The following PLEKHA6 variants were observed in gnomAD, a reference collection of about 807,000 sequenced individuals.
PLEKHA6 encodes pleckstrin homology domain containing A6.
In PLEKHA6, 60 loss-of-function variants were observed where a neutral mutation model predicts 116.7. The observed-to-expected ratio is 0.51, with a 90% CI of 0.42 to 0.64. The LOEUF (loss-of-function observed/expected upper bound fraction) is 0.64, where lower values mean the gene tolerates loss of function less well. Ranked by LOEUF, PLEKHA6 falls within the 30% of genes least tolerant of loss-of-function variation. The pLI, the probability that PLEKHA6 is intolerant of heterozygous loss-of-function variation, is 0.00. For missense variants in PLEKHA6, 1,338 were observed against 1,422.7 expected (o/e 0.94, Z 0.96); for synonymous variants, 489 against 556.1 (o/e 0.88, Z 1.70).
rs770306522 is a variant in PLEKHA6 at position 204,245,679 on chromosome 1, C to A, written c.1968G>T (p.Gln656His). 1.2e-5 allele frequency: 20 copies of A among 1,613,752 alleles called. No homozygotes were observed. In the South Asian group the frequency reaches 1.5e-4, roughly 12 times the overall value. Residue 656 changes from glutamine to histidine, a missense_variant, in exon 14 of 23, where the codon CAG (glutamine) becomes CAT (histidine). Around this residue, in one of 3 missense-constraint regions of PLEKHA6, gnomAD observed 1,136 missense variants for 1,163.6 expected, o/e 0.98. Coordinates refer to ENST00000272203, the MANE Select transcript of PLEKHA6 (RefSeq NM_014935.5). ...TCTTCCTCAGCCCCTCCATCACGTC[C>A]TGGATCCTCCAGATCTCCTTTTGGA... Reference protein sequence around the residue: ...RQIQKEIWRIQDVMEGLRKNN... With the variant: ...RQIQKEIWRIHDVMEGLRKNN...
Position 204,257,360 on chromosome 1 carries a change from G to T in PLEKHA6, c.1517C>A (p.Ser506Tyr). The T allele has an allele frequency of 1.3e-6, 2 of 1,561,318 alleles. No individual in the cohort carries two copies. The highest frequency in any genetic ancestry group is 1.2e-5 in the South Asian group (1 of 84,652). ...AAYVMRRSIS[S>Y]PKVPPYPEVF... ...GGCAGGCTGGTGGCTCACCTTGGGG[G>T]AGCTGATGGATCGCCTCATCACATA... The change falls in exon 9 of 23, where the codon TCC (serine) becomes TAC (tyrosine). Residue 506 changes from serine to tyrosine, a missense_variant. Physicochemically the swap from Ser to Tyr is moderately radical, Grantham distance 144. Coordinates refer to ENST00000272203, the MANE Select transcript of PLEKHA6 (RefSeq NM_014935.5). The surrounding 1 kb of genome is among the most constrained non-coding windows in gnomAD (Gnocchi z 6.5).
chr1:204,226,200 G>T (rs575026108), intron 21 of PLEKHA6, among the ~76,000 whole-genome samples: 2 of 152,180 alleles, frequency 1.3e-5, no homozygotes, highest in African/African-American at 4.8e-5. Context: ...GGCCAGGGGC[G>T]GTGGGAACAG....
chr1:204,326,150 G>A (rs1339602942), intron 1 of PLEKHA6, among the ~76,000 whole-genome samples: 1 of 152,178 alleles, frequency 6.6e-6, no homozygotes, highest in Non-Finnish European at 1.5e-5. Flanking sequence ...CTCCATGGCT[G>A]AGGGCAGCTC....
chr1:204,314,009 C>T (rs933090636), intron 1 of PLEKHA6, among the ~76,000 whole-genome samples: 4 of 152,156 alleles, frequency 2.6e-5, no homozygotes, highest in Non-Finnish European at 5.9e-5. Context: ...ACAATGTGAA[C>T]GGTGCCCTCA....
At chr1:204,267,763 C>T (rs562613366) in intron 4 of PLEKHA6, among the ~76,000 whole-genome samples, 19 of 152,262 alleles carry the variant, frequency 1.2e-4, no homozygotes, top group Admixed American at 9.8e-4. Flanking sequence ...CATTCAGTGC[C>T]TCCCCTGGGG....
At chr1:204,224,753 A>T (rs1457004931) in intron 21 of PLEKHA6, among the ~76,000 whole-genome samples, 2 of 152,196 alleles carry the variant, frequency 1.3e-5, no homozygotes, top group East Asian at 3.8e-4. Context: ...CTTCCACATG[A>T]CCCAACACTT....
In PLEKHA6 at chr1:204,249,273, C is replaced by T; in HGVS notation, c.1594-9G>A. Reference sequence around the variant, plus strand: ...AATTTTCCCAGCAGCTTCTAGGGACCCAGAGAGTGGAGAAGGAGAGGGAGA... The same window carrying T: ...AATTTTCCCAGCAGCTTCTAGGGACTCAGAGAGTGGAGAAGGAGAGGGAGA... On this transcript the variant is annotated splice_polypyrimidine_tract_variant and intron_variant, in intron 10 of 22. Transcript: ENST00000272203. 6.3e-7 allele frequency: 1 copy of T among 1,596,376 alleles called. No individual in the cohort carries two copies. Among genetic ancestry groups the T allele is most frequent in the African/African-American group, 1.3e-5 (1 of 74,666 alleles).
upstream of PLEKHA6, among the ~76,000 whole-genome samples, chr1:204,363,906 T>C (rs192799468): frequency 1.3e-5 from 2 of 152,256 alleles, no homozygotes; most frequent in East Asian, 3.9e-4. Context: ...GTTTTAACCT[T>C]TCGCTTGTTC....
intron 1 of PLEKHA6, among the ~76,000 whole-genome samples, chr1:204,336,030 T>C (rs1455967398): frequency 6.6e-6 from 1 of 152,196 alleles, no homozygotes; most frequent in African/African-American, 2.4e-5. Context: ...GTAAGGGTCC[T>C]GTACCTAATT....
chr1:204,298,273 G>A (rs765696128), intron 1 of PLEKHA6, among the ~76,000 whole-genome samples: 7 of 152,214 alleles, frequency 4.6e-5, no homozygotes, highest in Non-Finnish European at 8.8e-5. Flanking sequence ...GATGGAATGA[G>A]GGACAATGGA....
intron 1 of PLEKHA6, among the ~76,000 whole-genome samples, chr1:204,322,347 A>T (rs1453033758): frequency 2.0e-5 from 3 of 152,126 alleles, no homozygotes; most frequent in Non-Finnish European, 4.4e-5. Context: ...CAAGGCTCTA[A>T]ACTGGATGAC....
chr1:204,246,821 G>A (rs1472193519), intron 13 of PLEKHA6, among the ~76,000 whole-genome samples: 1 of 152,226 alleles, frequency 6.6e-6, no homozygotes, highest in Non-Finnish European at 1.5e-5. Context: ...TAATGCCTGA[G>A]TTATTTATAT....
rs575146236 is a variant in PLEKHA6, at chr1:204,313,775, C to T, written c.-94-38966G>A. On this transcript the variant is annotated intron_variant, in intron 1 of 22. Coordinates refer to ENST00000272203, the MANE Select transcript of PLEKHA6 (RefSeq NM_014935.5). ...TTAGCAGAGAGCACCATGTAGGTGT[C>T]TAATTAAGCAAGCAGCAGCAAATGC... The T allele has an allele frequency of 1.1e-5, 10 of 876,016 alleles. No homozygotes were observed. The East Asian group carries it at 9.7e-4, about 85-fold the overall frequency. 54.3% of individuals were successfully genotyped at this position (876,016 alleles called of 1,614,324 possible).
In PLEKHA6 at chr1:204,241,295, A is replaced by G. The variant is rs1662769947; in HGVS notation, c.2409+80T>C. On this transcript the variant is annotated intron_variant, in intron 17 of 22. Transcript: ENST00000272203. ...CAGCCCTGAATTTCTTGAACAGCAG[A>G]GGGAGATGAGTAGGTACACACACAG... The G allele has an allele frequency of 3.9e-5, 33 of 840,696 alleles. No homozygotes were observed. The South Asian group carries it at 4.9e-4, about 13-fold the overall frequency. 52.1% of individuals were successfully genotyped at this position (840,696 alleles called of 1,614,324 possible).
intron 9 of PLEKHA6, among the ~76,000 whole-genome samples, chr1:204,256,439 A>C (rs759785087): frequency 2.0e-5 from 3 of 152,138 alleles, no homozygotes; most frequent in Non-Finnish European, 4.4e-5. Context: ...TGAAATAACT[A>C]TGCTTCAGGG....
At chr1:204,290,743 A>G (rs1367694645) in intron 1 of PLEKHA6, among the ~76,000 whole-genome samples, 1 of 152,158 alleles carries the variant, frequency 6.6e-6, no homozygotes, top group Non-Finnish European at 1.5e-5. Context: ...TAATCCCAGC[A>G]CTTTCGGGTG....
At chr1:204,355,269 A>C (rs992065204) in intron 1 of PLEKHA6, among the ~76,000 whole-genome samples, 4 of 152,242 alleles carry the variant, frequency 2.6e-5, no homozygotes, top group Non-Finnish European at 5.9e-5. Flanking sequence ...GTGCTTGCAT[A>C]TGTAACCTCA....
chr1:204,241,162 C>T (rs1662751348), intron 17 of PLEKHA6, among the ~76,000 whole-genome samples: 1 of 152,206 alleles, frequency 6.6e-6, no homozygotes, highest in African/African-American at 2.4e-5. Flanking sequence ...CTAGAGAACC[C>T]TGACCAATGC....
intron 1 of PLEKHA6, among the ~76,000 whole-genome samples, chr1:204,373,086 C>CTTTTTTTTTTT (rs973883787): frequency 1.8e-5 from 2 of 113,432 alleles, no homozygotes; most frequent in Non-Finnish European, 1.8e-5. Context: ...TTTTTTCTTT[C>CTTTTTTTTTTT]TTTTTTTTTT....
Sources: allele counts gnomAD v4.1 joint callset (sites outside exome capture counted in the v4.1 genomes callset), GRCh38; gene constraint gnomAD v4.1.1; regional missense constraint gnomAD v4.1.1; non-coding constraint Gnocchi (gnomAD v3.1); transcripts MANE v1.5; gene names NCBI Gene and HGNC (gene_info 2026-07-23, HGNC 2026-07-21).